INTS4: variants seen among roughly 807,000 people sequenced by gnomAD.
INTS4 encodes integrator complex subunit 4, also known as MSTP093.
In INTS4, 70 loss-of-function variants were observed where a neutral mutation model predicts 119.5. That is an observed-to-expected ratio of 0.59 (90% CI 0.48 to 0.71). INTS4 has a LOEUF of 0.71. Among genes scored for constraint, INTS4 ranks in the 30% least tolerant of loss-of-function variants. INTS4 has a pLI of 0.00. For missense variants in INTS4, 867 were observed against 1,173.2 expected, an observed-to-expected ratio of 0.74 and a Z score of 3.81; for synonymous variants, 316 against 419.6, an observed-to-expected ratio of 0.75 and a Z score of 3.02.
intron 12 of INTS4, chr11:77,924,489 G>T: frequency 2.7e-6 from 1 of 368,910 alleles, no homozygotes; most frequent in South Asian, 6.5e-5. Context: ...GCTACCACAA[G>T]GGTTGGTGCA....
At chr11:77,916,709 G>A (rs1953212456) in intron 15 of INTS4, among the ~76,000 whole-genome samples, 1 of 152,226 alleles carries the variant, frequency 6.6e-6, no homozygotes, top group Admixed American at 6.5e-5. Flanking sequence ...GACATGCTCA[G>A]TTATCATTTC....
chr11:77,901,997 G>A (rs1461068868), intron 17 of INTS4, among the ~76,000 whole-genome samples: 2 of 152,122 alleles, frequency 1.3e-5, no homozygotes, highest in African/African-American at 4.8e-5. Flanking sequence ...CTGGTCTGAG[G>A]GAGTTTGGGA....
chr11:77,905,499 G>C (rs1279129565), intron 16 of INTS4, among the ~76,000 whole-genome samples: 1 of 151,780 alleles, frequency 6.6e-6, no homozygotes, highest in Admixed American at 6.6e-5. Context: ...GGACTCTCTG[G>C]GTTCTGCTGC....
chr11:77,902,511 T>A (rs1173664571), intron 17 of INTS4, among the ~76,000 whole-genome samples: 2 of 152,288 alleles, frequency 1.3e-5, no homozygotes, highest in African/African-American at 4.8e-5. Flanking sequence ...TATCAGAGGA[T>A]CTGGTCTCAA....
chr11:77,898,423 A>G (rs1283857674), intron 18 of INTS4, among the ~76,000 whole-genome samples: 1 of 152,156 alleles, frequency 6.6e-6, no homozygotes, highest in Admixed American at 6.5e-5. Context: ...TGGACTCCCA[A>G]AGTGATGGGA....
chr11:77,956,064 T>G lies in INTS4; in HGVS notation c.798-2A>C. Reference sequence around the variant, plus strand: ...TTAGAAGAAGGAATTGGGACAATGCTAAATTAAAAGAAAAGAAATGAAATC... The same window carrying G: ...TTAGAAGAAGGAATTGGGACAATGCGAAATTAAAAGAAAAGAAATGAAATC... On this transcript the variant is annotated splice_acceptor_variant, in intron 7 of 22. Transcript: ENST00000534064. LOFTEE classifies it high-confidence loss of function. 4 of 1,588,368 alleles carry G rather than the reference T, an allele frequency of 2.5e-6. No homozygotes were observed. Among genetic ancestry groups the G allele is most frequent in the Non-Finnish European group, 2.6e-6 (3 of 1,173,110 alleles).
At chr11:77,894,584 G>A (rs1336604793) in intron 18 of INTS4, among the ~76,000 whole-genome samples, 1 of 152,196 alleles carries the variant, frequency 6.6e-6, no homozygotes, top group South Asian at 2.1e-4. Flanking sequence ...AAAAATCAAA[G>A]AGTATCACAG....
At chr11:77,918,433 A>G in intron 15 of INTS4, 1 of 290,828 alleles carries the variant, frequency 3.4e-6, no homozygotes, top group Non-Finnish European at 6.5e-6. Context: ...AAAAAAAAAA[A>G]AAAAAAAGAG....
intron 4 of INTS4, chr11:77,963,369 A>C (rs915594181): frequency 1.5e-4 from 50 of 322,910 alleles, no homozygotes; most frequent in South Asian, 4.7e-4. Flanking sequence ...AAAAAAAAAA[A>C]AAAAACAAAA....
In INTS4 at chr11:77,891,755, G is replaced by A. The variant is rs1952277934; in HGVS notation, c.2374C>T (p.Pro792Ser). Residue 792 changes from proline to serine, a missense_variant, in exon 20 of 23, where the codon CCT becomes TCT. Physicochemically the swap from Pro to Ser is moderately conservative, Grantham distance 74. This residue lies in a region of INTS4 where 262 missense variants were observed against 376.0 expected (regional missense o/e 0.70). Transcript: ENST00000534064. ...TGTAGAATTTTGACCACTTCTGCAG[G>A]TTTGGATGTCATGAGTCGGGGCATA... ...DLMPRLMTSKPAEVVKILQTM... is the reference protein window; with the variant it reads ...DLMPRLMTSKSAEVVKILQTM... The A allele has an allele frequency of 6.2e-7, 1 of 1,612,036 alleles. No homozygotes were observed. The highest frequency in any genetic ancestry group is 8.5e-7 in the Non-Finnish European group (1 of 1,179,866).
At chr11:77,929,057 C>T (rs1477564994) in intron 10 of INTS4, among the ~76,000 whole-genome samples, 2 of 151,234 alleles carry the variant, frequency 1.3e-5, no homozygotes, top group Non-Finnish European at 2.9e-5. Context: ...AAAACAAAAA[C>T]TGCACATCAG....
intron 11 of INTS4, 44 bp downstream of exon 11, chr11:77,928,298 G>A (rs369543847): frequency 5.7e-5 from 91 of 1,599,166 alleles, no homozygotes; most frequent in African/African-American, 8.0e-5. Context: ...TTAACAGGGG[G>A]GGGTGAGGGA....
intron 19 of INTS4, among the ~76,000 whole-genome samples, 184 bp from the exon 20 acceptor site, chr11:77,892,024 G>T (rs1183615517): frequency 6.6e-6 from 1 of 152,068 alleles, no homozygotes; most frequent in Non-Finnish European, 1.5e-5. Context: ...CATCAGAAAG[G>T]CCTCTGTTTA....
At chr11:77,984,804 A>T (rs762458067) in intron 2 of INTS4, among the ~76,000 whole-genome samples, 4 of 150,444 alleles carry the variant, frequency 2.7e-5, no homozygotes, top group Non-Finnish European at 5.9e-5. Context: ...TAAGCCTGGG[A>T]GGTGGAGGTT....
intron 15 of INTS4, among the ~76,000 whole-genome samples, chr11:77,909,382 G>A (rs1484114932): frequency 1.3e-5 from 2 of 152,198 alleles, no homozygotes; most frequent in African/African-American, 4.8e-5. Context: ...GTATAGGCTG[G>A]GAAGTCCAAA....
intron 15 of INTS4, among the ~76,000 whole-genome samples, chr11:77,914,085 G>A (rs1953150640): frequency 6.6e-6 from 1 of 152,256 alleles, no homozygotes; most frequent in East Asian, 1.9e-4. Context: ...TGTCTGCAAT[G>A]ATGGTTGTAA....
Position 77,922,358 on chromosome 11 carries a change from G to C in INTS4, c.1628C>G (p.Ala543Gly). Reference sequence around the variant, plus strand: ...CCCATCCTAAGCACAGAGGATACAAGCTGGATCATCCATGTCTGGTTCAGC... The same window carrying C: ...CCCATCCTAAGCACAGAGGATACAACCTGGATCATCCATGTCTGGTTCAGC... Reference protein sequence around the residue: ...DTAEPDMDDPAYIAVLVLIFN... With the variant: ...DTAEPDMDDPGYIAVLVLIFN... The change falls in exon 13 of 23, where the codon GCT becomes GGT. Residue 543 changes from alanine to glycine, a missense_variant and splice_region_variant. Ala to Gly is a moderately conservative substitution (Grantham distance 60). Around this residue, in one of 5 missense-constraint regions of INTS4, gnomAD observed 51 missense variants for 125.5 expected, o/e 0.41. Coordinates refer to ENST00000534064, the MANE Select transcript of INTS4 (RefSeq NM_033547.4). 6.9e-7 allele frequency: 1 copy of C among 1,458,522 alleles called. No individual in the cohort carries two copies. Among genetic ancestry groups the C allele is most frequent in the Non-Finnish European group, 9.1e-7 (1 of 1,103,920 alleles). The allele number at this position is 1,458,522 out of a possible 1,614,324, so 90.3% of individuals were successfully genotyped here. A position where few individuals can be genotyped will look rare whatever the true frequency, so the allele number is the denominator to read the frequency against.
At chr11:77,898,836 A>G (rs1356297126) in intron 18 of INTS4, among the ~76,000 whole-genome samples, 1 of 152,090 alleles carries the variant, frequency 6.6e-6, no homozygotes, top group Non-Finnish European at 1.5e-5. Flanking sequence ...CATGGCCAAC[A>G]TGGTAAAACC....
chr11:77,950,373 A>G (rs1954160902), intron 8 of INTS4, among the ~76,000 whole-genome samples: 3 of 152,044 alleles, frequency 2.0e-5, no homozygotes, highest in African/African-American at 7.2e-5. Flanking sequence ...TAAAAAAAAA[A>G]TTGATATCAT....
Sources: allele counts gnomAD v4.1 joint callset (sites outside exome capture counted in the v4.1 genomes callset), GRCh38; gene constraint gnomAD v4.1.1; regional missense constraint gnomAD v4.1.1; transcripts MANE v1.5; gene names NCBI Gene and HGNC (gene_info 2026-07-23, HGNC 2026-07-21).